The following GLRA3 variants were observed in gnomAD, a reference collection of about 807,000 sequenced individuals.
GLRA3 encodes glycine receptor subunit alpha-3.
Under a neutral mutation model 60.4 loss-of-function variants are expected in GLRA3, and 44 were observed. That is an observed-to-expected ratio of 0.73 (90% CI 0.57 to 0.94). GLRA3 has a LOEUF of 0.94. Among genes scored for constraint, GLRA3 ranks in the 40% least tolerant of loss-of-function variants. The pLI, the probability that GLRA3 is intolerant of heterozygous loss-of-function variation, is 0.00. For synonymous variants in GLRA3, 223 were observed against 192.9 expected (o/e 1.16, Z -1.29); for missense variants, 508 against 564.6 (o/e 0.90, Z 1.02).
intron 5 of GLRA3, chr4:174,712,776 T>C (rs1735760365): frequency 6.6e-6 from 1 of 152,150 alleles, no homozygotes; most frequent in Non-Finnish European, 1.5e-5. Flanking sequence ...TACAATCTTT[T>C]ATCTTGTCAT....
intron 2 of GLRA3, among the ~76,000 whole-genome samples, chr4:174,778,952 A>G (rs1738741778): frequency 6.6e-6 from 1 of 152,182 alleles, no homozygotes; most frequent in African/African-American, 2.4e-5. Context: ...GGAAGCTCCA[A>G]CTGGGTGGAG....
chr4:174,711,619 T>C (rs1735722637), intron 5 of GLRA3, among the ~76,000 whole-genome samples: 1 of 151,926 alleles, frequency 6.6e-6, no homozygotes, highest in Admixed American at 6.6e-5. Flanking sequence ...TTTGTATTTT[T>C]AGTAGAGATG....
At chr4:174,781,689 C>G (rs1360785027) in intron 2 of GLRA3, among the ~76,000 whole-genome samples, 1 of 150,448 alleles carries the variant, frequency 6.6e-6, no homozygotes. Flanking sequence ...ACAAACACCT[C>G]TACGCAAATA....
chr4:174,725,264 T>A (rs990272272), intron 4 of GLRA3, among the ~76,000 whole-genome samples: 2 of 152,188 alleles, frequency 1.3e-5, no homozygotes, highest in Non-Finnish European at 2.9e-5. Flanking sequence ...GTTCACTGAT[T>A]CTCTTTTCCA....
At chr4:174,705,836 T>TG (rs1331490890) in intron 5 of GLRA3, among the ~76,000 whole-genome samples, 2 of 39,832 alleles carry the variant, frequency 5.0e-5, no homozygotes, top group Non-Finnish European at 1.0e-4. Flanking sequence ...TTGCATGTAG[T>TG]GGGGTGGGGG....
intron 7 of GLRA3, among the ~76,000 whole-genome samples, chr4:174,671,183 T>C (rs73867669): frequency 0.041 from 6,300 of 152,194 alleles, 392 homozygotes; most frequent in African/African-American, 0.13. Context: ...ATCATGTTTG[T>C]ACTGAACTTG....
At chr4:174,735,498 C>G (rs1029897635) in intron 3 of GLRA3, among the ~76,000 whole-genome samples, 8 of 152,138 alleles carry the variant, frequency 5.3e-5, no homozygotes, top group Non-Finnish European at 1.0e-4. Flanking sequence ...GTTAATTACA[C>G]AATTTACATG....
intron 1 of GLRA3, among the ~76,000 whole-genome samples, chr4:174,824,162 A>G (rs981318799): frequency 1.3e-5 from 2 of 152,188 alleles, no homozygotes; most frequent in Non-Finnish European, 2.9e-5. Context: ...AACCAAATTC[A>G]ATGTCCTCTT....
chr4:174,670,305 A>G (rs1733856736), intron 7 of GLRA3, among the ~76,000 whole-genome samples: 1 of 152,114 alleles, frequency 6.6e-6, no homozygotes, highest in Non-Finnish European at 1.5e-5. Context: ...ATAAGTTCCT[A>G]TTCCCTTTTC....
chr4:174,778,601 G>A (rs1293499468), intron 2 of GLRA3, among the ~76,000 whole-genome samples: 3 of 152,172 alleles, frequency 2.0e-5, no homozygotes, highest in South Asian at 2.1e-4. Flanking sequence ...GACAGTGGGC[G>A]CAGGTCAGTG....
intron 1 of GLRA3, among the ~76,000 whole-genome samples, chr4:174,794,520 A>G (rs1040182432): frequency 1.3e-5 from 2 of 152,078 alleles, no homozygotes; most frequent in Non-Finnish European, 2.9e-5. Flanking sequence ...TGCTCACTAT[A>G]ATTGTATTGT....
At chr4:174,684,670 G>C (rs1734486084) in intron 5 of GLRA3, among the ~76,000 whole-genome samples, 1 of 152,248 alleles carries the variant, frequency 6.6e-6, no homozygotes, top group African/African-American at 2.4e-5. Flanking sequence ...TGGAGGTAGA[G>C]AGAGGAGGCA....
At chr4:174,699,660 A>G (rs1735218182) in intron 5 of GLRA3, among the ~76,000 whole-genome samples, 1 of 152,136 alleles carries the variant, frequency 6.6e-6, no homozygotes, top group South Asian at 2.1e-4. Flanking sequence ...TCACTTAAGA[A>G]GTATTTAAGG....
chr4:174,647,476 A>C (rs1732870671), intron 9 of GLRA3, among the ~76,000 whole-genome samples: 1 of 151,824 alleles, frequency 6.6e-6, no homozygotes, highest in Non-Finnish European at 1.5e-5. Flanking sequence ...TAAAGCAAGC[A>C]GCTTCATGAC....
intron 1 of GLRA3, among the ~76,000 whole-genome samples, chr4:174,793,345 C>T (rs1375047825): frequency 6.6e-6 from 1 of 151,954 alleles, no homozygotes; most frequent in Non-Finnish European, 1.5e-5. Flanking sequence ...CCCATGGTAT[C>T]AACTGCATAC....
chr4:174,699,390 A>G (rs1735208155), intron 5 of GLRA3, among the ~76,000 whole-genome samples: 1 of 152,224 alleles, frequency 6.6e-6, no homozygotes, highest in Non-Finnish European at 1.5e-5. Flanking sequence ...TTTACATGCA[A>G]TCAAAGCCTA....
chr4:174,777,636 CGTT>C (rs1459108071), intron 2 of GLRA3, among the ~76,000 whole-genome samples: 1 of 152,066 alleles, frequency 6.6e-6, no homozygotes, highest in Non-Finnish European at 1.5e-5. Flanking sequence ...GACAAACACA[CGTT>C]GTTATGAATT....
rs1579374356 is a variant in GLRA3, at chr4:174,641,383, G to T, written c.*2403C>A. 5 of 152,114 alleles carry T rather than the reference G, an allele frequency of 3.3e-5. No homozygotes were observed. In the South Asian group the frequency reaches 6.2e-4, roughly 19 times the overall value. 9.4% of individuals were successfully genotyped at this position (152,114 alleles called of 1,614,324 possible). A position where few individuals can be genotyped will look rare whatever the true frequency, so the allele number is the denominator to read the frequency against. The stretch of plus-strand genomic sequence containing the variant: ...CAATGTAATTTTTCAGTTTTAAAAG[G>T]TCTATAAGAGTTCGAAGGAGGAGAC... On this transcript the variant is annotated 3_prime_UTR_variant, in exon 10 of 10. Transcript: ENST00000274093.
intron 4 of GLRA3, among the ~76,000 whole-genome samples, chr4:174,718,905 A>G (rs1334083899): frequency 1.3e-5 from 2 of 152,016 alleles, no homozygotes; most frequent in Non-Finnish European, 2.9e-5. Context: ...ATTACACAGC[A>G]AAAATTGCTA....
Sources: gnomAD v4.1 joint callset for allele counts (sites outside exome capture counted in the v4.1 genomes callset) on GRCh38, gnomAD v4.1.1 for gene constraint, MANE v1.5 for transcripts, NCBI Gene and HGNC (gene_info 2026-07-23, HGNC 2026-07-21) for gene names.